Variants in CACNA1D observed in about 807,000 individuals in gnomAD.
The protein encoded by CACNA1D is voltage-dependent L-type calcium channel subunit alpha-1D.
CACNA1D carries 55 observed loss-of-function variants against 257.1 expected under a neutral mutation model. That is an observed-to-expected ratio of 0.21 (90% CI 0.17 to 0.27). The LOEUF is 0.27. Ranked by LOEUF, CACNA1D falls within the 10% of genes least tolerant of loss-of-function variation. The pLI is 1.00. For synonymous variants in CACNA1D, 980 were observed against 1,014.9 expected, an observed-to-expected ratio of 0.97 and a Z score of 0.65; for missense variants, 1,876 against 2,784.0, an observed-to-expected ratio of 0.67 and a Z score of 7.34.
intron 3 of CACNA1D, among the ~76,000 whole-genome samples, chr3:53,622,776 C>T (rs999771146): frequency 6.6e-6 from 1 of 152,024 alleles, no homozygotes; most frequent in African/African-American, 2.4e-5. Context: ...CATAGATGTC[C>T]GTCGGGAGAA....
intron 3 of CACNA1D, among the ~76,000 whole-genome samples, chr3:53,561,447 G>T (rs1429424347): frequency 6.6e-6 from 1 of 152,150 alleles, no homozygotes; most frequent in African/African-American, 2.4e-5. Context: ...TGTCATGGTA[G>T]CTGTGAGAGT....
At chr3:53,535,018 G>A (rs1045046577) in intron 3 of CACNA1D, among the ~76,000 whole-genome samples, 2 of 152,018 alleles carry the variant, frequency 1.3e-5, no homozygotes, top group African/African-American at 2.4e-5. Context: ...CCAATAGGCC[G>A]GCACCTTTTC....
intron 39 of CACNA1D, among the ~76,000 whole-genome samples, chr3:53,783,799 C>T (rs1190204235): frequency 1.3e-5 from 2 of 152,200 alleles, no homozygotes; most frequent in Admixed American, 6.5e-5. Context: ...TCCTGCATCA[C>T]AGCATACTTA....
chr3:53,702,113 TG>T (rs2094632118), intron 8 of CACNA1D, among the ~76,000 whole-genome samples: 1 of 152,196 alleles, frequency 6.6e-6, no homozygotes, highest in South Asian at 2.1e-4. Context: ...GAGCCTAGTG[TG>T]GGCACCAGCA....
intron 45 of CACNA1D, among the ~76,000 whole-genome samples, chr3:53,805,479 A>G (rs191312975): frequency 5.9e-5 from 9 of 152,298 alleles, no homozygotes; most frequent in Admixed American, 5.2e-4. Flanking sequence ...GAGGGAGGCA[A>G]ACCACACACA....
At chr3:53,775,052 G>T (rs992276018) in intron 34 of CACNA1D, among the ~76,000 whole-genome samples, 2 of 152,242 alleles carry the variant, frequency 1.3e-5, no homozygotes, top group African/African-American at 2.4e-5. Flanking sequence ...TGCACAGCCA[G>T]TGGGGAACAT....
chr3:53,501,778 C>T, intron 3 of CACNA1D, 58 bp downstream of exon 3: 1 of 965,774 alleles, frequency 1.0e-6, no homozygotes. Flanking sequence ...TGCTTCTATA[C>T]TTAAACTGGC....
At chr3:53,555,460 GTTTTTT>G (rs372133749) in intron 3 of CACNA1D, among the ~76,000 whole-genome samples, 4 of 78,386 alleles carry the variant, frequency 5.1e-5, no homozygotes, top group East Asian at 3.1e-4. Context: ...GTGTGTGTGT[GTTTTTT>G]TTTTTTTTTT....
At chr3:53,686,585 C>G (rs2094475197) in intron 8 of CACNA1D, among the ~76,000 whole-genome samples, 1 of 151,942 alleles carries the variant, frequency 6.6e-6, no homozygotes, top group Non-Finnish European at 1.5e-5. Flanking sequence ...ATCATACGAT[C>G]ACCTCAGTAA....
At chr3:53,808,929 A>G (rs2095581679) in intron 46 of CACNA1D, 159 bp downstream of exon 46, 4 of 757,172 alleles carry the variant, frequency 5.3e-6, no homozygotes, top group East Asian at 2.7e-5. Context: ...TCAAATAGCT[A>G]TGGCCATGAG....
chr3:53,734,922 C>A (rs1358447514), intron 19 of CACNA1D, among the ~76,000 whole-genome samples: 1 of 152,212 alleles, frequency 6.6e-6, no homozygotes, highest in Non-Finnish European at 1.5e-5. Flanking sequence ...TCTGTGTGAA[C>A]TGTTGAGGGC....
chr3:53,581,475 A>G (rs575569057), intron 3 of CACNA1D, among the ~76,000 whole-genome samples: 2 of 152,310 alleles, frequency 1.3e-5, no homozygotes, highest in African/African-American at 2.4e-5. Context: ...CTTCAGTCAC[A>G]TAACCATTAT....
chr3:53,700,884 T>C (rs1232522876), intron 8 of CACNA1D, among the ~76,000 whole-genome samples: 1 of 151,902 alleles, frequency 6.6e-6, no homozygotes, highest in Non-Finnish European at 1.5e-5. Flanking sequence ...TTTTTTATTT[T>C]TATTTTTATT....
intron 21 of CACNA1D, among the ~76,000 whole-genome samples, chr3:53,742,340 C>T (rs1308758905): frequency 6.6e-6 from 1 of 152,130 alleles, no homozygotes; most frequent in Admixed American, 6.5e-5. Context: ...TTTCCATCAC[C>T]AATAGAAATC....
chr3:53,740,388 T>G, intron 21 of CACNA1D, 49 bp downstream of exon 21: 1 of 1,232,940 alleles, frequency 8.1e-7, no homozygotes, highest in Non-Finnish European at 1.2e-6. Flanking sequence ...GCTGGAGCAA[T>G]AATAGTTGCA....
intron 40 of CACNA1D, among the ~76,000 whole-genome samples, chr3:53,798,353 G>A (rs1290212153): frequency 2.0e-5 from 3 of 152,196 alleles, no homozygotes; most frequent in South Asian, 4.1e-4. Context: ...GTGTGTGCAC[G>A]TGCACGCACG....
At chr3:53,700,280 G>C (rs1217749477) in intron 8 of CACNA1D, among the ~76,000 whole-genome samples, 2 of 151,840 alleles carry the variant, frequency 1.3e-5, no homozygotes, top group African/African-American at 4.8e-5. Flanking sequence ...TCTGAATTTA[G>C]TATTCTAAGT....
chr3:53,565,988 A>G (rs1186073050), intron 3 of CACNA1D, among the ~76,000 whole-genome samples: 1 of 152,220 alleles, frequency 6.6e-6, no homozygotes, highest in Non-Finnish European at 1.5e-5. Flanking sequence ...CTCTGTAGAA[A>G]GTATTACTTA....
chr3:53,728,171 G>A (rs1422785137), intron 15 of CACNA1D, among the ~76,000 whole-genome samples: 2 of 152,074 alleles, frequency 1.3e-5, no homozygotes, highest in Non-Finnish European at 2.9e-5. Flanking sequence ...GTCTCACTCT[G>A]TCACGCAGGC....
Sources: gnomAD v4.1 joint callset for allele counts (sites outside exome capture counted in the v4.1 genomes callset) on GRCh38, gnomAD v4.1.1 for gene constraint, MANE v1.5 for transcripts, NCBI Gene and HGNC (gene_info 2026-07-23, HGNC 2026-07-21) for gene names.